Variants in PHF20 observed in about 807,000 individuals in gnomAD.
PHF20 encodes glioma-expressed antigen 2.
A neutral mutation model predicts 113.5 loss-of-function variants in PHF20; 23 were observed. The observed-to-expected ratio is 0.20, with a 90% CI of 0.15 to 0.29. The LOEUF (loss-of-function observed/expected upper bound fraction) is 0.29, where lower values mean the gene tolerates loss of function less well. PHF20 is among the 10% of genes least tolerant of loss of function. The pLI is 1.00. For missense variants in PHF20, 943 were observed against 1,219.6 expected (o/e 0.77, Z 3.38); for synonymous variants, 434 against 457.3 (o/e 0.95, Z 0.65).
chr20:35,895,957 G>A (rs2054973504), intron 9 of PHF20, among the ~76,000 whole-genome samples: 1 of 152,080 alleles, frequency 6.6e-6, no homozygotes, highest in African/African-American at 2.4e-5. Flanking sequence ...AAAGTGCTAG[G>A]ATTACAGGCG....
chr20:35,801,451 C>T, intron 1 of PHF20, 40 bp from the exon 2 acceptor site: 2 of 1,066,410 alleles, frequency 1.9e-6, no homozygotes, highest in Non-Finnish European at 1.4e-6. Context: ...TCTGGGTGGA[C>T]TTTGCCTAAG....
chr20:35,822,381 A>G (rs980431197), intron 2 of PHF20, among the ~76,000 whole-genome samples: 2 of 151,270 alleles, frequency 1.3e-5, no homozygotes, highest in African/African-American at 4.9e-5. Flanking sequence ...TTGTGCTGCT[A>G]TACTGTATGA....
intron 9 of PHF20, among the ~76,000 whole-genome samples, chr20:35,873,151 G>C (rs2054453283): frequency 6.6e-6 from 1 of 151,032 alleles, no homozygotes; most frequent in African/African-American, 2.4e-5. Flanking sequence ...ACACAGGCTG[G>C]AGTGCAGTGG....
intron 9 of PHF20, among the ~76,000 whole-genome samples, chr20:35,876,329 G>T (rs554089811): frequency 6.6e-5 from 10 of 152,244 alleles, no homozygotes; most frequent in African/African-American, 1.9e-4. Flanking sequence ...CCAGGACTTT[G>T]GGAGGCCGAG....
chr20:35,882,933 G>A (rs1568701667), intron 9 of PHF20, among the ~76,000 whole-genome samples: 1 of 151,228 alleles, frequency 6.6e-6, no homozygotes, highest in Non-Finnish European at 1.5e-5. Flanking sequence ...GAGGCTGAGA[G>A]AGGAGAATTG....
intron 7 of PHF20, among the ~76,000 whole-genome samples, chr20:35,870,532 C>T (rs2054401881): frequency 6.6e-6 from 1 of 151,732 alleles, no homozygotes; most frequent in Non-Finnish European, 1.5e-5. Context: ...TAAAAAAATA[C>T]CCTCTGGAGT....
intron 2 of PHF20, among the ~76,000 whole-genome samples, chr20:35,807,604 C>T (rs1475150249): frequency 2.0e-5 from 3 of 151,824 alleles, no homozygotes; most frequent in South Asian, 2.1e-4. Flanking sequence ...CTGCTCACCT[C>T]GGCTTCCTAA....
At chr20:35,933,234 C>CT (rs1225820635) in intron 15 of PHF20, among the ~76,000 whole-genome samples, 181 of 139,448 alleles carry the variant, frequency 1.3e-3, no homozygotes, top group Middle Eastern at 3.6e-3. Context: ...TCAGCTCATT[C>CT]TTTTTTTTTT....
chr20:35,814,512 C>G (rs1230414854), intron 2 of PHF20, among the ~76,000 whole-genome samples: 1 of 151,278 alleles, frequency 6.6e-6, no homozygotes, highest in Non-Finnish European at 1.5e-5. Context: ...CCGCTGCGCC[C>G]GGCCTATAAT....
intron 13 of PHF20, among the ~76,000 whole-genome samples, chr20:35,925,260 CT>C (rs763188818): frequency 0.021 from 2,880 of 134,792 alleles, 26 homozygotes; most frequent in Non-Finnish European, 0.026. Context: ...TTTATTGAGA[CT>C]TTTTTTTTTT....
chr20:35,803,838 C>G (rs1176265610), intron 2 of PHF20, among the ~76,000 whole-genome samples: 1 of 150,406 alleles, frequency 6.6e-6, no homozygotes, highest in Non-Finnish European at 1.5e-5. Flanking sequence ...TGTGATTTAC[C>G]CATACTTAAC....
At chr20:35,779,326 C>T (rs552066599) in intron 1 of PHF20, among the ~76,000 whole-genome samples, 17 of 151,798 alleles carry the variant, frequency 1.1e-4, no homozygotes, top group Non-Finnish European at 2.2e-4. Flanking sequence ...TGAGCCACTG[C>T]GCCTGGCCTA....
chr20:35,811,702 A>C (rs2041980706), intron 2 of PHF20, among the ~76,000 whole-genome samples: 2 of 152,102 alleles, frequency 1.3e-5, no homozygotes, highest in Non-Finnish European at 2.9e-5. Context: ...GGCCTCCCAA[A>C]GTGCTGGGAT....
At chr20:35,885,543 T>C (rs1422392209) in intron 9 of PHF20, among the ~76,000 whole-genome samples, 1 of 147,068 alleles carries the variant, frequency 6.8e-6, no homozygotes, top group Non-Finnish European at 1.5e-5. Context: ...TTTTATGACC[T>C]TGACATTACA....
chr20:35,834,493 C>T (rs1052400716), intron 2 of PHF20, among the ~76,000 whole-genome samples: 19 of 152,050 alleles, frequency 1.2e-4, no homozygotes, highest in Middle Eastern at 3.4e-3. Flanking sequence ...GTGGGTGATC[C>T]GCCCGCCTCA....
chr20:35,819,518 C>A (rs1204939645), intron 2 of PHF20, among the ~76,000 whole-genome samples: 3 of 152,124 alleles, frequency 2.0e-5, no homozygotes, highest in African/African-American at 7.2e-5. Context: ...GCTTCCATTT[C>A]TTGTACAGAA....
intron 2 of PHF20, among the ~76,000 whole-genome samples, chr20:35,817,313 AAT>A (rs1272822510): frequency 6.6e-6 from 1 of 151,784 alleles, no homozygotes; most frequent in Non-Finnish European, 1.5e-5. Context: ...CAGCCTCCCA[AAT>A]AGGAGGGATT....
At chr20:35,835,316 C>T (rs2146926703) in intron 2 of PHF20, among the ~76,000 whole-genome samples, 1 of 152,098 alleles carries the variant, frequency 6.6e-6, no homozygotes, top group Non-Finnish European at 1.5e-5. Context: ...GACTAGTAAC[C>T]ATAGAAGTGA....
intron 1 of PHF20, among the ~76,000 whole-genome samples, chr20:35,782,062 C>G (rs1294961440): frequency 6.6e-6 from 1 of 152,084 alleles, no homozygotes; most frequent in Non-Finnish European, 1.5e-5. Flanking sequence ...TTTTTGAATA[C>G]TTTTCTGCCT....
Sources: gnomAD v4.1 joint callset for allele counts (sites outside exome capture counted in the v4.1 genomes callset) on GRCh38, gnomAD v4.1.1 for gene constraint, MANE v1.5 for transcripts, NCBI Gene and HGNC (gene_info 2026-07-23, HGNC 2026-07-21) for gene names.